Variants in DEAF1 observed in about 807,000 individuals in gnomAD.
DEAF1 encodes the protein deformed epidermal autoregulatory factor 1 homolog.
A neutral mutation model predicts 58.9 loss-of-function variants in DEAF1; 53 were observed. The ratio of observed to expected loss-of-function variants is 0.90; its 90% CI spans 0.72 to 1.13. The LOEUF (loss-of-function observed/expected upper bound fraction) is 1.13, where lower values mean the gene tolerates loss of function less well. DEAF1 is among the 50% of genes most tolerant of loss of function. The pLI is 0.00. For synonymous variants in DEAF1, 385 were observed against 340.4 expected (o/e 1.13, Z -1.44); for missense variants, 685 against 791.4 (o/e 0.87, Z 1.61).
At chr11:702,150 C>G (rs1861525974) in intron 1 of DEAF1, among the ~76,000 whole-genome samples, 2 of 152,194 alleles carry the variant, frequency 1.3e-5, no homozygotes, top group Non-Finnish European at 2.9e-5. Flanking sequence ...CACCCTTCCT[C>G]TTGTTATCAG....
intron 6 of DEAF1, 66 bp from the exon 7 acceptor site, chr11:681,155 C>T: frequency 6.2e-7 from 1 of 1,610,074 alleles, no homozygotes; most frequent in East Asian, 2.2e-5. Context: ...CTTGCAACTC[C>T]TCCTTAAGTG....
chr11:647,703 C>T (rs1858565055), intron 11 of DEAF1, among the ~76,000 whole-genome samples: 1 of 152,184 alleles, frequency 6.6e-6, no homozygotes, highest in Non-Finnish European at 1.5e-5. Context: ...GGCGACGGGC[C>T]TCTCCTGGGC....
intron 10 of DEAF1, among the ~76,000 whole-genome samples, chr11:658,066 C>A (rs1422487405): frequency 6.6e-6 from 1 of 152,184 alleles, no homozygotes; most frequent in African/African-American, 2.4e-5. Flanking sequence ...GCAGAAGGGA[C>A]CCTCTGCGCT....
intron 10 of DEAF1, among the ~76,000 whole-genome samples, chr11:672,865 TTAAATAGA>T (rs1281205567): frequency 6.7e-6 from 1 of 150,078 alleles, no homozygotes. Context: ...AAAATTTTTT[TTAAATAGA>T]TAAATAAATA....
At chr11:685,038 C>A in intron 5 of DEAF1, 75 bp from the exon 6 acceptor site, 10 of 1,059,502 alleles carry the variant, frequency 9.4e-6, no homozygotes, top group Non-Finnish European at 1.3e-5. Context: ...TAGAAGATTT[C>A]AACCACTTTT....
chr11:652,462 A>T (rs1190061028), intron 11 of DEAF1, among the ~76,000 whole-genome samples: 3 of 152,094 alleles, frequency 2.0e-5, no homozygotes, highest in Non-Finnish European at 4.4e-5. Flanking sequence ...ACATGGTGAA[A>T]CCCTGTCTCT....
chr11:701,410 T>C (rs919408013), intron 1 of DEAF1, among the ~76,000 whole-genome samples: 1 of 130,122 alleles, frequency 7.7e-6, no homozygotes, highest in Admixed American at 7.4e-5. Flanking sequence ...AGGTTTCTTT[T>C]TTTTTTTTTT....
In DEAF1 at chr11:695,013, C is replaced by G. The variant is rs867061650; in HGVS notation, c.35G>C (p.Gly12Ala). 7.2e-7 allele frequency: 1 copy of G among 1,396,894 alleles called. No homozygotes were observed. The highest frequency in any genetic ancestry group is 9.3e-7 in the Non-Finnish European group (1 of 1,072,082). 86.5% of individuals were successfully genotyped at this position (1,396,894 alleles called of 1,614,324 possible). A position where few individuals can be genotyped will look rare whatever the true frequency, so the allele number is the denominator to read the frequency against. ...CGCCACCGCCGCCGCCTCAGCCAGG[C>G]CCAGCTGCTTTGCCGCCGAGTCCGA... The part of the protein sequence containing the change: ...EDSDSAAKQL[G>A]LAEAAAVAAA... The change falls in exon 1 of 12, where the codon GGC (glycine) becomes GCC (alanine). Residue 12 changes from glycine to alanine, a missense_variant. Around this residue, in one of 3 missense-constraint regions of DEAF1, gnomAD observed 210 missense variants for 177.3 expected, o/e 1.18. Transcript: ENST00000382409.
Position 663,911 on chromosome 11 carries a change from C to A in DEAF1, c.1504-9860G>T, listed in dbSNP as rs112017931. Reference sequence around the variant, plus strand: ...AGCTATATGTTCATTTAAGATGTCTCAAGAAAACGGACAAAATAGGGCCGA... The same window carrying A: ...AGCTATATGTTCATTTAAGATGTCTAAAGAAAACGGACAAAATAGGGCCGA... On this transcript the variant is annotated intron_variant, in intron 10 of 11. Coordinates refer to ENST00000382409, the MANE Select transcript of DEAF1 (RefSeq NM_021008.4). Among the ~76,000 whole-genome samples, 716 of 152,282 alleles carry A rather than the reference C, an allele frequency of 4.7e-3. 8 individuals carry two copies. Among genetic ancestry groups the A allele is most frequent in the African/African-American group, 0.016 (662 of 41,552 alleles).
chr11:691,652 C>A, intron 1 of DEAF1, 54 bp from the exon 2 acceptor site: 1 of 1,515,206 alleles, frequency 6.6e-7, no homozygotes, highest in Non-Finnish European at 9.1e-7. Flanking sequence ...ATGGACAAAG[C>A]GAACAGCCTC....
chr11:654,864 C>T (rs1858969866), intron 10 of DEAF1, among the ~76,000 whole-genome samples: 2 of 149,970 alleles, frequency 1.3e-5, no homozygotes, highest in Admixed American at 1.3e-4. Flanking sequence ...GCGAGACTCC[C>T]ATCTCAAAAA....
chr11:659,504 T>C (rs937535095), intron 10 of DEAF1, among the ~76,000 whole-genome samples: 1 of 152,158 alleles, frequency 6.6e-6, no homozygotes, highest in Admixed American at 6.5e-5. Context: ...AGTGCTTTCT[T>C]TATGACTTAT....
chr11:677,506 A>T (rs1258531143), intron 9 of DEAF1, among the ~76,000 whole-genome samples: 1 of 106,768 alleles, frequency 9.4e-6, no homozygotes, highest in African/African-American at 2.8e-5. Context: ...GGCAAAAGAG[A>T]GAATAATGAA....
At chr11:663,768 G>A (rs1203115841) in intron 10 of DEAF1, among the ~76,000 whole-genome samples, 1 of 152,144 alleles carries the variant, frequency 6.6e-6, no homozygotes, top group African/African-American at 2.4e-5. Flanking sequence ...CAGGCTTTTG[G>A]CCTTTCCTTC....
At chr11:703,797 C>T in intron 1 of DEAF1, 1 of 1,233,310 alleles carries the variant, frequency 8.1e-7, no homozygotes, top group East Asian at 3.2e-5. Context: ...CTTCTCCCTT[C>T]AGGGGCTTCG....
At chr11:664,324 A>T (rs575849992) in intron 10 of DEAF1, among the ~76,000 whole-genome samples, 1 of 152,154 alleles carries the variant, frequency 6.6e-6, no homozygotes, top group South Asian at 2.1e-4. Context: ...ACCCTGAAGG[A>T]GTGTGAAGCA....
In DEAF1 at chr11:688,317, A is replaced by G. The variant is rs762149578; in HGVS notation, c.517+14T>C. ...GTGTTTTGCCCGAGGCCTGGGGTGC[A>G]GGCACCGCTGTACCTGGGGTGAGGG... On this transcript the variant is annotated intron_variant, in intron 3 of 11. Transcript: ENST00000382409. The surrounding 1 kb of genome is among the most constrained non-coding windows in gnomAD (Gnocchi z 4.3). 4 of 1,612,186 alleles carry G rather than the reference A, an allele frequency of 2.5e-6. No individual in the cohort carries two copies. In the Admixed American group the frequency reaches 6.7e-5, roughly 27 times the overall value.
In DEAF1 at chr11:702,436, C is replaced by T. The variant is rs114964382; in HGVS notation, c.-438+4136G>A. Among the ~76,000 whole-genome samples, 692 of 152,346 alleles carry T rather than the reference C, an allele frequency of 4.5e-3. 7 individuals carry two copies. Among genetic ancestry groups the T allele is most frequent in the African/African-American group, 0.016 (647 of 41,586 alleles). ...CTAGGCCAACGGGACCCTCCCCAAG[C>T]GCGCCGCACACTGCAGGGTCTCCAG... On this transcript the variant is annotated intron_variant, in intron 1 of 11. Transcript: ENST00000683307.
chr11:701,696 A>G (rs571269900), intron 1 of DEAF1, among the ~76,000 whole-genome samples: 3 of 152,156 alleles, frequency 2.0e-5, no homozygotes, highest in African/African-American at 2.4e-5. Context: ...GGCGTGAGCC[A>G]CCGCGCCCGG....
Sources: gnomAD v4.1 joint callset for allele counts (sites outside exome capture counted in the v4.1 genomes callset) on GRCh38, gnomAD v4.1.1 for gene constraint, gnomAD v4.1.1 regional missense constraint, Gnocchi (gnomAD v3.1) non-coding constraint, MANE v1.5 for transcripts, NCBI Gene and HGNC (gene_info 2026-07-23, HGNC 2026-07-21) for gene names.